The following EXOC4 variants were observed in gnomAD, a reference collection of about 807,000 sequenced individuals.
The protein encoded by EXOC4 is exocyst complex component 4.
Under a neutral mutation model 107.2 loss-of-function variants are expected in EXOC4, and 71 were observed. The ratio of observed to expected loss-of-function variants is 0.66; its 90% CI spans 0.55 to 0.81. The LOEUF is 0.81. Ranked by LOEUF, EXOC4 falls within the 30% of genes least tolerant of loss-of-function variation. The probability of loss-of-function intolerance (pLI) is 0.00; values close to 1 mark genes in which losing one functional copy is unlikely to be tolerated. For synonymous variants in EXOC4, 456 were observed against 441.2 expected (o/e 1.03, Z -0.42); for missense variants, 1,108 against 1,189.6 (o/e 0.93, Z 1.01).
At chr7:133,437,972 G>T (rs1798013960) in intron 7 of EXOC4, among the ~76,000 whole-genome samples, 1 of 151,922 alleles carries the variant, frequency 6.6e-6, no homozygotes, top group Non-Finnish European at 1.5e-5. Context: ...CCGCTTTTTG[G>T]TAATTTTAAA....
chr7:133,492,188 A>G (rs1229038309), intron 9 of EXOC4, among the ~76,000 whole-genome samples: 1 of 152,138 alleles, frequency 6.6e-6, no homozygotes. Context: ...AAGTTTTGTT[A>G]TTTCAGGTGA....
chr7:133,470,260 A>G (rs1433883001), intron 7 of EXOC4, among the ~76,000 whole-genome samples: 1 of 152,214 alleles, frequency 6.6e-6, no homozygotes, highest in Non-Finnish European at 1.5e-5. Context: ...ATGTATAACC[A>G]CAAACAGTTA....
At chr7:133,688,301 A>AT (rs1794349676) in intron 10 of EXOC4, among the ~76,000 whole-genome samples, 1 of 152,172 alleles carries the variant, frequency 6.6e-6, no homozygotes, top group African/African-American at 2.4e-5. Flanking sequence ...ATCTACCTGT[A>AT]TTTTTCCTTT....
At chr7:133,470,143 G>T (rs1390946537) in intron 7 of EXOC4, among the ~76,000 whole-genome samples, 1 of 152,144 alleles carries the variant, frequency 6.6e-6, no homozygotes, top group African/African-American at 2.4e-5. Flanking sequence ...ATACCTCAGA[G>T]ATCTGAGTGT....
At chr7:133,593,816 C>T (rs1801604084) in intron 9 of EXOC4, among the ~76,000 whole-genome samples, 1 of 152,038 alleles carries the variant, frequency 6.6e-6, no homozygotes, top group Non-Finnish European at 1.5e-5. Flanking sequence ...GAATAATATG[C>T]AAAATTATTA....
At chr7:133,739,718 AAC>A (rs1476990260) in intron 10 of EXOC4, among the ~76,000 whole-genome samples, 1 of 152,200 alleles carries the variant, frequency 6.6e-6, no homozygotes, top group Non-Finnish European at 1.5e-5. Flanking sequence ...CCTAGCCCTA[AAC>A]ACACAGGGAA....
intron 11 of EXOC4, among the ~76,000 whole-genome samples, chr7:133,890,047 A>G (rs1440846683): frequency 3.0e-5 from 1 of 33,698 alleles, no homozygotes; most frequent in Non-Finnish European, 4.6e-5. Flanking sequence ...CAACAGTGTA[A>G]AAGTGTTCCT....
At chr7:133,410,791 A>G (rs1332568663) in intron 7 of EXOC4, among the ~76,000 whole-genome samples, 1 of 152,192 alleles carries the variant, frequency 6.6e-6, no homozygotes, top group Non-Finnish European at 1.5e-5. Context: ...ATGCATGTAT[A>G]CAGTTCTGCA....
intron 7 of EXOC4, among the ~76,000 whole-genome samples, chr7:133,465,346 G>A (rs1798702019): frequency 2.0e-5 from 3 of 152,102 alleles, no homozygotes; most frequent in Admixed American, 1.3e-4. Flanking sequence ...TTTTTTAAGA[G>A]TGAAAGTAGA....
In EXOC4 at chr7:133,925,890, T is replaced by A. The variant is rs139846727; in HGVS notation, c.2027+8152T>A. Among the ~76,000 whole-genome samples the A allele has an allele frequency of 8.3e-3, 1,251 of 151,246 alleles. 20 individuals are homozygous for A. The highest frequency in any genetic ancestry group is 0.029 in the African/African-American group (1,190 of 41,254). Reference sequence around the variant, plus strand: ...GTCTCTACTAAAATAGAAAAAAAAATTAGCTGGGCATGGTTATACGTGCCT... The same window carrying A: ...GTCTCTACTAAAATAGAAAAAAAAAATAGCTGGGCATGGTTATACGTGCCT... On this transcript the variant is annotated intron_variant, in intron 13 of 17. Transcript: ENST00000253861.
intron 11 of EXOC4, among the ~76,000 whole-genome samples, chr7:133,829,534 G>A (rs146699236): frequency 1.3e-5 from 2 of 152,166 alleles, no homozygotes; most frequent in African/African-American, 4.8e-5. Flanking sequence ...GAGCCACAAC[G>A]GTGTGCTGAG....
chr7:133,710,913 G>GA (rs5887642), intron 10 of EXOC4, among the ~76,000 whole-genome samples: 112,424 of 148,472 alleles, frequency 0.76, 42,814 homozygotes, highest in East Asian at 0.9. Flanking sequence ...TTAACAGCCA[G>GA]AAAAAAAAAA....
intron 7 of EXOC4, among the ~76,000 whole-genome samples, chr7:133,401,360 G>GTTTTTTTTTTTTTT: frequency 6.6e-6 from 1 of 151,864 alleles, no homozygotes; most frequent in African/African-American, 2.4e-5. Context: ...AGGACAGTTT[G>GTTTTTTTTTTTTTT]TTTTATGTTC....
chr7:133,577,371 C>G (rs1029213554), intron 9 of EXOC4, among the ~76,000 whole-genome samples: 1 of 152,150 alleles, frequency 6.6e-6, no homozygotes, highest in African/African-American at 2.4e-5. Context: ...TGTATCACCT[C>G]TCTCTCAATT....
intron 14 of EXOC4, among the ~76,000 whole-genome samples, chr7:133,939,697 A>G (rs531426587): frequency 6.6e-6 from 1 of 152,318 alleles, no homozygotes; most frequent in African/African-American, 2.4e-5. Context: ...ATGAAATTAT[A>G]CAAGTTTATT....
chr7:133,698,034 T>C (rs1009131381), intron 10 of EXOC4, among the ~76,000 whole-genome samples: 1 of 152,132 alleles, frequency 6.6e-6, no homozygotes, highest in African/African-American at 2.4e-5. Context: ...TTTATAAATG[T>C]GTTGTACTGA....
chr7:133,684,982 G>A (rs1794265051), intron 10 of EXOC4, among the ~76,000 whole-genome samples: 1 of 152,160 alleles, frequency 6.6e-6, no homozygotes, highest in African/African-American at 2.4e-5. Flanking sequence ...AAGGGAGATG[G>A]CAAGGAAATT....
intron 16 of EXOC4, 84 bp from the exon 17 acceptor site, chr7:134,007,592 C>G: frequency 7.6e-7 from 1 of 1,321,054 alleles, no homozygotes; most frequent in East Asian, 2.4e-5. Context: ...GATTAGAAGA[C>G]AGCAATTCTG....
At chr7:133,645,283 G>C (rs1026619048) in intron 10 of EXOC4, among the ~76,000 whole-genome samples, 1 of 151,564 alleles carries the variant, frequency 6.6e-6, no homozygotes, top group African/African-American at 2.4e-5. Flanking sequence ...AGTAGAGTTG[G>C]GGTTTTCACT....
Sources: allele counts gnomAD v4.1 joint callset (sites outside exome capture counted in the v4.1 genomes callset), GRCh38; gene constraint gnomAD v4.1.1; transcripts MANE v1.5; gene names NCBI Gene and HGNC (gene_info 2026-07-23, HGNC 2026-07-21).